PHF24: variants seen among roughly 807,000 people sequenced by gnomAD.
The protein encoded by PHF24 is Galpha inhibitory interacting protein.
In PHF24, 25 loss-of-function variants were observed where a neutral mutation model predicts 42.6. The observed-to-expected ratio is 0.59, with a 90% CI of 0.43 to 0.82. PHF24 has a LOEUF of 0.82. Ranked by LOEUF, PHF24 falls within the 40% of genes least tolerant of loss-of-function variation. The pLI is 0.00. For missense variants in PHF24, 470 were observed against 538.1 expected (o/e 0.87, Z 1.25); for synonymous variants, 185 against 204.8 (o/e 0.90, Z 0.83).
the PHF24 span, among the ~76,000 whole-genome samples, chr9:34,856,909 C>T: frequency 6.6e-6 from 1 of 152,216 alleles, no homozygotes; most frequent in Non-Finnish European, 1.5e-5. Flanking sequence ...CCGATGGGGA[C>T]TCTATCCCAG....
At chr9:34,764,433 G>A in the PHF24 span, among the ~76,000 whole-genome samples, 16 of 152,402 alleles carry the variant, frequency 1.0e-4, no homozygotes, top group African/African-American at 3.8e-4. Context: ...TTGGGAGGGT[G>A]TATGTGTCAA....
chr9:34,884,410 T>C, the PHF24 span, among the ~76,000 whole-genome samples: 3 of 152,136 alleles, frequency 2.0e-5, no homozygotes, highest in African/African-American at 4.8e-5. Flanking sequence ...GACCACAGTA[T>C]GAGTATTTTT....
the PHF24 span, among the ~76,000 whole-genome samples, chr9:34,731,442 C>T: frequency 3.3e-5 from 5 of 152,138 alleles, no homozygotes; most frequent in African/African-American, 1.2e-4. Context: ...ACCCCCACAC[C>T]TCACCCCGCT....
At chr9:34,773,722 G>C in the PHF24 span, among the ~76,000 whole-genome samples, 20,343 of 152,150 alleles carry the variant, frequency 0.13, 2,122 homozygotes, top group East Asian at 0.59. Flanking sequence ...CATAACCCCA[G>C]TCTAATTATG....
chr9:34,773,772 C>A, the PHF24 span, among the ~76,000 whole-genome samples: 1 of 152,024 alleles, frequency 6.6e-6, no homozygotes, highest in African/African-American at 2.4e-5. Context: ...GAGCCTCCTG[C>A]AAAATATTTG....
the PHF24 span, among the ~76,000 whole-genome samples, chr9:34,765,455 T>G: frequency 1.3e-5 from 2 of 150,830 alleles, no homozygotes; most frequent in Non-Finnish European, 3.0e-5. Context: ...CATTATGTAA[T>G]GGCCTTCTTT....
the PHF24 span, chr9:34,917,117 C>G: frequency 1.2e-6 from 1 of 806,088 alleles, no homozygotes. Context: ...CTCCTCACCT[C>G]GCTCTCGCGG....
At chr9:34,901,102 T>C in the PHF24 span, among the ~76,000 whole-genome samples, 1 of 152,232 alleles carries the variant, frequency 6.6e-6, no homozygotes, top group Non-Finnish European at 1.5e-5. Flanking sequence ...TCAAAAAAAT[T>C]CTTGTCAAGA....
At chr9:34,715,221 C>T in the PHF24 span, among the ~76,000 whole-genome samples, 3 of 151,974 alleles carry the variant, frequency 2.0e-5, no homozygotes, top group African/African-American at 4.8e-5. Context: ...GAGTCCCTAC[C>T]CCGTCTCCAG....
chr9:34,715,980 C>T, the PHF24 span, among the ~76,000 whole-genome samples: 16 of 152,106 alleles, frequency 1.1e-4, no homozygotes, highest in Admixed American at 1.3e-4. Flanking sequence ...AGGGGTATGG[C>T]GGGAATTTCA....
At chr9:34,895,962 G>T in the PHF24 span, among the ~76,000 whole-genome samples, 1 of 152,140 alleles carries the variant, frequency 6.6e-6, no homozygotes, top group African/African-American at 2.4e-5. Context: ...CTCTGTATGG[G>T]CTACAGAGCC....
the PHF24 span, among the ~76,000 whole-genome samples, chr9:34,885,339 C>T: frequency 3.9e-5 from 6 of 152,208 alleles, no homozygotes; most frequent in Non-Finnish European, 5.9e-5. Context: ...TTATGCTTAA[C>T]GCTGAGGTCC....
the PHF24 span, among the ~76,000 whole-genome samples, chr9:34,713,108 C>T: frequency 2.0e-5 from 3 of 152,338 alleles, no homozygotes; most frequent in East Asian, 3.9e-4. Flanking sequence ...ACTCTGCCAT[C>T]AATTTGTGGT....
chr9:34,932,841 A>G, the PHF24 span, among the ~76,000 whole-genome samples: 1 of 151,976 alleles, frequency 6.6e-6, no homozygotes, highest in Non-Finnish European at 1.5e-5. Context: ...AATTTTCTCC[A>G]CATATTTTCT....
chr9:34,942,198 C>T, the PHF24 span, among the ~76,000 whole-genome samples: 1 of 152,188 alleles, frequency 6.6e-6, no homozygotes, highest in Non-Finnish European at 1.5e-5. Flanking sequence ...AAACCTACTG[C>T]AGAACCCTTT....
chr9:34,837,545 G>T, the PHF24 span: 193 of 782,110 alleles, frequency 2.5e-4, 2 homozygotes, highest in African/African-American at 3.1e-3. Flanking sequence ...GGGAACTGGA[G>T]TCTTCAGTGG....
chr9:34,966,589 C>CT (rs1554658787), intron 1 of PHF24, among the ~76,000 whole-genome samples: 4 of 151,928 alleles, frequency 2.6e-5, no homozygotes, highest in Non-Finnish European at 5.9e-5. Flanking sequence ...GACCCCCCCC[C>CT]TCGCCCCATC....
At chr9:34,958,226 GCGCCGCCGC>G (rs1240549939), upstream of PHF24, 536 of 151,238 alleles carry the variant, frequency 3.5e-3, 6 homozygotes, top group South Asian at 4.5e-3. The surrounding 1 kb of genome is among the most constrained non-coding windows in gnomAD (Gnocchi z 4.5). Flanking sequence ...CCGGCCGCGC[GCGCCGCCGC>G]CGCCGCCGCC....
the PHF24 span, among the ~76,000 whole-genome samples, chr9:34,872,280 T>A: frequency 6.6e-6 from 1 of 151,660 alleles, no homozygotes; most frequent in South Asian, 2.1e-4. Flanking sequence ...TATGTATACA[T>A]GTGCCATGCT....
Sources: allele counts gnomAD v4.1 joint callset (sites outside exome capture counted in the v4.1 genomes callset), GRCh38; gene constraint gnomAD v4.1.1; non-coding constraint Gnocchi (gnomAD v3.1); transcripts MANE v1.5; gene names NCBI Gene and HGNC (gene_info 2026-07-23, HGNC 2026-07-21).